The following SNX29 variants were observed in gnomAD, a reference collection of about 807,000 sequenced individuals.
The protein encoded by SNX29 is sorting nexin-29.
In SNX29, 78 loss-of-function variants were observed where a neutral mutation model predicts 102.1. That is an observed-to-expected ratio of 0.76 (90% CI 0.64 to 0.92). The LOEUF (loss-of-function observed/expected upper bound fraction) is 0.92. SNX29 is among the 40% of genes least tolerant of loss of function. SNX29 has a pLI of 0.00. For synonymous variants in SNX29, 580 were observed against 414.5 expected, an observed-to-expected ratio of 1.40 and a Z score of -4.85; for missense variants, 1,280 against 1,061.7, an observed-to-expected ratio of 1.21 and a Z score of -2.86.
intron 19 of SNX29, among the ~76,000 whole-genome samples, chr16:12,505,191 C>T (rs2089316532): frequency 6.6e-6 from 1 of 152,148 alleles, no homozygotes; most frequent in Non-Finnish European, 1.5e-5. Flanking sequence ...TATTTCATTC[C>T]ATCTAGGAGT....
chr16:12,470,658 T>C (rs963212728), intron 18 of SNX29, among the ~76,000 whole-genome samples: 1 of 152,208 alleles, frequency 6.6e-6, no homozygotes, highest in African/African-American at 2.4e-5. Flanking sequence ...AGGGGATGCT[T>C]AGCTGTCCAA....
At chr16:12,544,704 C>G (rs376470020) in intron 20 of SNX29, among the ~76,000 whole-genome samples, 38 of 152,322 alleles carry the variant, frequency 2.5e-4, no homozygotes, top group African/African-American at 8.9e-4. Flanking sequence ...TCTTCCTCCA[C>G]CATCCCTTTA....
intron 14 of SNX29, among the ~76,000 whole-genome samples, chr16:12,253,450 C>G (rs1485791932): frequency 6.6e-6 from 1 of 152,154 alleles, no homozygotes; most frequent in Non-Finnish European, 1.5e-5. Context: ...TGATATGGAA[C>G]AAAAGTCAAA....
At chr16:12,403,598 C>CT in intron 18 of SNX29, 69 bp downstream of exon 18, 2 of 1,433,778 alleles carry the variant, frequency 1.4e-6, no homozygotes, top group Non-Finnish European at 1.9e-6. Context: ...TGCTGTGGTG[C>CT]TTTTTGCCTC....
intron 1 of SNX29, among the ~76,000 whole-genome samples, chr16:11,978,156 GA>G (rs1487578439): frequency 6.6e-6 from 1 of 152,174 alleles, no homozygotes; most frequent in Non-Finnish European, 1.5e-5. Context: ...TCCTAATAAT[GA>G]GGGGGCTGGT....
chr16:12,538,795 C>G (rs370860260), intron 20 of SNX29, among the ~76,000 whole-genome samples: 1 of 152,222 alleles, frequency 6.6e-6, no homozygotes, highest in South Asian at 2.1e-4. Context: ...AGGGGGATTA[C>G]AAGGCAGAAA....
In SNX29 at chr16:12,430,852, C is replaced by CTT. The variant is rs56349621; in HGVS notation, c.2037+27338_2037+27339dup. Among the ~76,000 whole-genome samples the CTT allele has an allele frequency of 1.6e-3, 218 of 139,130 alleles. 3 individuals are homozygous for CTT. In the South Asian group the frequency reaches 0.021, roughly 13 times the overall value. The allele number at this position is 139,130 out of a possible 152,430, so 91.3% of individuals were successfully genotyped here. A position where few individuals can be genotyped will look rare whatever the true frequency, so the allele number is the denominator to read the frequency against. On this transcript the variant is annotated intron_variant, in intron 18 of 20. Coordinates refer to ENST00000566228, the MANE Select transcript of SNX29 (RefSeq NM_032167.5). ...AGGAGGGGGTGATTCTTGACGCAGT[C>CTT]TTTTTTTTTTTTTTTTGAGATGGAA...
intron 20 of SNX29, among the ~76,000 whole-genome samples, chr16:12,534,702 G>C (rs954887688): frequency 6.6e-6 from 1 of 152,270 alleles, no homozygotes; most frequent in East Asian, 1.9e-4. Flanking sequence ...TTTTCTTGGC[G>C]TTGCCACTCC....
At chr16:12,482,147 C>T (rs1379082879) in intron 19 of SNX29, among the ~76,000 whole-genome samples, 13 of 152,318 alleles carry the variant, frequency 8.5e-5, no homozygotes, top group South Asian at 2.1e-4. Flanking sequence ...AAATCCGCCA[C>T]GTCAGAATCT....
rs927410706 is a variant in SNX29, at chr16:12,572,744, G to C, written c.*4115G>C. 9.4e-7 allele frequency: 1 copy of C among 1,064,136 alleles called. No individual in the cohort carries two copies. The highest frequency in any genetic ancestry group is 1.1e-6 in the Non-Finnish European group (1 of 878,552). 65.9% of individuals were successfully genotyped at this position (1,064,136 alleles called of 1,614,324 possible). A position where few individuals can be genotyped will look rare whatever the true frequency, so the allele number is the denominator to read the frequency against. ...AGAACTGATGGCAAAGGAAGGGCTG[G>C]GTTTTCAGCTTCTGGGACCCGAGGA... On this transcript the variant is annotated 3_prime_UTR_variant, in exon 21 of 21. Coordinates refer to ENST00000566228, the MANE Select transcript of SNX29 (RefSeq NM_032167.5).
intron 4 of SNX29, among the ~76,000 whole-genome samples, chr16:12,039,022 T>C (rs3975430): frequency 1.2e-4 from 18 of 152,320 alleles, no homozygotes. Context: ...AGACACAAGA[T>C]AGTCTCGAGG....
intron 14 of SNX29, among the ~76,000 whole-genome samples, chr16:12,240,779 T>C (rs1442124495): frequency 6.6e-6 from 1 of 151,854 alleles, no homozygotes; most frequent in Non-Finnish European, 1.5e-5. Context: ...CTAATATTTG[T>C]ATTTCTAGTG....
At chr16:12,557,125 A>T (rs1305007395) in intron 20 of SNX29, among the ~76,000 whole-genome samples, 1 of 151,562 alleles carries the variant, frequency 6.6e-6, no homozygotes, top group Non-Finnish European at 1.5e-5. Context: ...CTGAGATTAG[A>T]CACAGGAGTC....
At chr16:12,066,180 G>A (rs1279706454) in intron 9 of SNX29, among the ~76,000 whole-genome samples, 1 of 152,174 alleles carries the variant, frequency 6.6e-6, no homozygotes, top group Non-Finnish European at 1.5e-5. Context: ...CCCTGTCTTT[G>A]CTTCAGGGAA....
At chr16:12,408,975 A>T (rs975681678) in intron 18 of SNX29, among the ~76,000 whole-genome samples, 4 of 152,244 alleles carry the variant, frequency 2.6e-5, no homozygotes, top group African/African-American at 9.6e-5. Context: ...CCAAGGTTGA[A>T]TGCAAATTAT....
intron 16 of SNX29, among the ~76,000 whole-genome samples, chr16:12,382,136 A>G (rs2083187045): frequency 6.6e-6 from 1 of 151,956 alleles, no homozygotes; most frequent in Admixed American, 6.6e-5. Context: ...TTTGACCCCT[A>G]CCTCTCATTC....
rs553847717 is a variant in SNX29 at position 12,279,981 on chromosome 16, C to G, written c.1782+1945C>G. Among the ~76,000 whole-genome samples, 8 of 152,242 alleles carry G rather than the reference C, an allele frequency of 5.3e-5. No individual in the cohort carries two copies. The East Asian group carries it at 1.4e-3, about 26-fold the overall frequency. Reference sequence around the variant, plus strand: ...TCCACAAAGGCATTGAGTGCTGGGTCCAGGCAGCGCTCTCCGTGGAGATTC... The same window carrying G: ...TCCACAAAGGCATTGAGTGCTGGGTGCAGGCAGCGCTCTCCGTGGAGATTC... On this transcript the variant is annotated intron_variant, in intron 15 of 20. Coordinates refer to ENST00000566228, the MANE Select transcript of SNX29 (RefSeq NM_032167.5).
chr16:12,245,375 G>A (rs905973432), intron 14 of SNX29, among the ~76,000 whole-genome samples: 27 of 151,916 alleles, frequency 1.8e-4, no homozygotes, highest in African/African-American at 5.8e-4. Flanking sequence ...TATGTAAAGC[G>A]CTCAGTAACT....
intron 15 of SNX29, among the ~76,000 whole-genome samples, chr16:12,338,434 G>A (rs2081516283): frequency 6.6e-6 from 1 of 152,160 alleles, no homozygotes; most frequent in South Asian, 2.1e-4. Flanking sequence ...GTATTCCCGG[G>A]AACAAGGAAG....
Sources: gnomAD v4.1 joint callset for allele counts (sites outside exome capture counted in the v4.1 genomes callset) on GRCh38, gnomAD v4.1.1 for gene constraint, MANE v1.5 for transcripts, NCBI Gene and HGNC (gene_info 2026-07-23, HGNC 2026-07-21) for gene names.